The following IPO11 variants were observed in gnomAD, a reference collection of about 807,000 sequenced individuals.
IPO11 encodes importin 11, also known as importin-11.
IPO11 carries 66 observed loss-of-function variants against 143.2 expected under a neutral mutation model. The observed-to-expected ratio is 0.46, with a 90% CI of 0.38 to 0.57. The LOEUF (loss-of-function observed/expected upper bound fraction) is 0.57, where lower values mean the gene tolerates loss of function less well. IPO11 is among the 20% of genes least tolerant of loss of function. IPO11 has a pLI of 0.00. For missense variants in IPO11, 1,026 were observed against 1,141.0 expected, an observed-to-expected ratio of 0.90 and a Z score of 1.45; for synonymous variants, 385 against 377.8, an observed-to-expected ratio of 1.02 and a Z score of -0.22.
At chr5:62,543,536 C>G (rs1743038140) in intron 24 of IPO11, among the ~76,000 whole-genome samples, 1 of 152,164 alleles carries the variant, frequency 6.6e-6, no homozygotes. Context: ...GTGATATCCC[C>G]TTTAACATTT....
At chr5:62,586,796 T>TATATTC (rs1000478989) in intron 27 of IPO11, among the ~76,000 whole-genome samples, 1 of 140,912 alleles carries the variant, frequency 7.1e-6, no homozygotes. Flanking sequence ...TATATATATA[T>TATATTC]ATATATTCAT....
At chr5:62,487,496 G>A (rs949040845) in intron 12 of IPO11, among the ~76,000 whole-genome samples, 1 of 152,060 alleles carries the variant, frequency 6.6e-6, no homozygotes, top group African/African-American at 2.4e-5. Flanking sequence ...AATTTAAAAT[G>A]TACACTTTGC....
At chr5:62,456,980 T>TG (rs1745183437) in intron 5 of IPO11, among the ~76,000 whole-genome samples, 1 of 151,952 alleles carries the variant, frequency 6.6e-6, no homozygotes, top group Non-Finnish European at 1.5e-5. Flanking sequence ...CTCGGGAGCC[T>TG]GAGGCAGGAC....
In IPO11 at chr5:62,470,816, C is replaced by CTTT. The variant is rs70981015; in HGVS notation, c.708+535_708+537dup. ...TTCATTGTCTGTAGATAGCCATCTTCTTTTTTTTTTTTTTTTTTTTTTTTT... is the reference window on the plus strand; with the variant it reads ...TTCATTGTCTGTAGATAGCCATCTTCTTTTTTTTTTTTTTTTTTTTTTTTTTTT... On this transcript the variant is annotated intron_variant, in intron 7 of 29. Coordinates refer to ENST00000325324, the MANE Select transcript of IPO11 (RefSeq NM_016338.5). Among the ~76,000 whole-genome samples the CTTT allele has an allele frequency of 4.0e-3, 248 of 62,562 alleles. 48 individuals carry two copies. Among genetic ancestry groups the CTTT allele is most frequent in the East Asian group, 0.013 (19 of 1,418 alleles). 41.0% of individuals were successfully genotyped at this position (62,562 alleles called of 152,430 possible).
intron 20 of IPO11, among the ~76,000 whole-genome samples, chr5:62,524,096 T>C (rs988963915): frequency 7.2e-5 from 11 of 152,292 alleles, no homozygotes; most frequent in African/African-American, 2.6e-4. Flanking sequence ...GAATTCATTT[T>C]TGAACTTTCA....
At chr5:62,415,656 CG>C (rs1561300543) in intron 1 of IPO11, among the ~76,000 whole-genome samples, 1 of 151,472 alleles carries the variant, frequency 6.6e-6, no homozygotes, top group East Asian at 1.9e-4. Context: ...TTAGTAGAGA[CG>C]GGGTTTCTCC....
intron 27 of IPO11, 36 bp downstream of exon 27, chr5:62,561,293 A>ATCCCAGCACTTTGGGAGGCCGAGGCAG: frequency 1.7e-6 from 1 of 577,470 alleles, no homozygotes; most frequent in Middle Eastern, 4.6e-4. Flanking sequence ...GTTTCTTTCA[A>ATCCCAGCACTTTGGGAGGCCGAGGCAG]GCATCAAAAT....
At chr5:62,552,356 T>C (rs1018459341) in intron 26 of IPO11, among the ~76,000 whole-genome samples, 1 of 152,068 alleles carries the variant, frequency 6.6e-6, no homozygotes, top group Admixed American at 6.5e-5. Context: ...TATATGTAGC[T>C]TTTCTAGAAT....
chr5:62,598,828 A>G (rs745366320), intron 28 of IPO11, among the ~76,000 whole-genome samples: 4 of 151,736 alleles, frequency 2.6e-5, no homozygotes, highest in Non-Finnish European at 4.4e-5. Context: ...TACAGGTGTG[A>G]CCCACCGCAC....
At chr5:62,578,251 A>AT (rs562472927) in intron 27 of IPO11, among the ~76,000 whole-genome samples, 157 of 152,186 alleles carry the variant, frequency 1.0e-3, no homozygotes, top group African/African-American at 3.6e-3. Context: ...AGTACTCAGT[A>AT]TTTTTTGCAA....
At chr5:62,567,100 G>A (rs879895365) in intron 27 of IPO11, among the ~76,000 whole-genome samples, 1 of 152,156 alleles carries the variant, frequency 6.6e-6, no homozygotes, top group Admixed American at 6.5e-5. Flanking sequence ...GTTTTTGTAA[G>A]ACAGGCCTGT....
In IPO11 at chr5:62,432,699, A is replaced by G. The variant is rs909100319; in HGVS notation, c.-6-4575A>G. The stretch of plus-strand genomic sequence containing the variant: ...GTATCCCTGAGGAGAGGGTCTGTGG[A>G]GCTACTTATGTCATCATTCCAGAAA... On this transcript the variant is annotated intron_variant, in intron 1 of 29. Transcript: ENST00000325324. 2.6e-5 allele frequency among the ~76,000 whole-genome samples: 4 copies of G among 152,296 alleles called. No individual in the cohort carries two copies. The East Asian group carries it at 7.7e-4, about 29-fold the overall frequency.
At chr5:62,559,388 A>T (rs1283798079) in intron 26 of IPO11, among the ~76,000 whole-genome samples, 2 of 150,946 alleles carry the variant, frequency 1.3e-5, no homozygotes, top group East Asian at 4.0e-4. Context: ...CTGAAACTTC[A>T]TTTTTTTTAA....
intron 3 of IPO11, among the ~76,000 whole-genome samples, chr5:62,444,977 G>A (rs1353877988): frequency 6.6e-6 from 1 of 151,516 alleles, no homozygotes; most frequent in Non-Finnish European, 1.5e-5. Context: ...AATATTTCAT[G>A]TTGTACTTTT....
Position 62,538,595 on chromosome 5 carries a change from A to AT in IPO11, c.2250+1308dup, listed in dbSNP as rs537596715. 4.0e-3 allele frequency among the ~76,000 whole-genome samples: 612 copies of AT among 152,210 alleles called. 1 individual carries two copies. The highest frequency in any genetic ancestry group is 0.014 in the African/African-American group (586 of 41,544). On this transcript the variant is annotated intron_variant, in intron 24 of 29. Coordinates refer to ENST00000325324, the MANE Select transcript of IPO11 (RefSeq NM_016338.5). ...TGCCTCCCTTTCACCTTCTGCCTTG[A>AT]TTGTAAGTTTCCTGAGGCCTCCCCA...
chr5:62,493,466 T>C (rs1465897598), intron 15 of IPO11, among the ~76,000 whole-genome samples: 4 of 152,174 alleles, frequency 2.6e-5, no homozygotes, highest in African/African-American at 7.2e-5. Context: ...TTACAACATA[T>C]ATGCCTAGGA....
At chr5:62,613,908 C>T (rs915021054) in intron 29 of IPO11, among the ~76,000 whole-genome samples, 5 of 152,146 alleles carry the variant, frequency 3.3e-5, no homozygotes, top group African/African-American at 7.2e-5. Context: ...TTCCAGCCCC[C>T]GAAGGGCCTG....
At chr5:62,552,491 A>G (rs1296274472) in intron 26 of IPO11, among the ~76,000 whole-genome samples, 7 of 148,566 alleles carry the variant, frequency 4.7e-5, no homozygotes, top group Admixed American at 4.7e-4. Flanking sequence ...TTTTTTTTTA[A>G]AGTAGAGATG....
rs1580397798 is a variant in IPO11, at chr5:62,620,187, T to A, written c.2764-6967T>A. Among the ~76,000 whole-genome samples the A allele has an allele frequency of 2.6e-5, 4 of 152,260 alleles. No homozygotes were observed. The South Asian group carries it at 6.2e-4, about 24-fold the overall frequency. On this transcript the variant is annotated intron_variant, in intron 29 of 29. Coordinates refer to ENST00000325324, the MANE Select transcript of IPO11 (RefSeq NM_016338.5). ...GTGGTTGGGATACATCTTGGTTTTA[T>A]ACATTTTAGGGAGACGTGAGACTTC...
Sources: gnomAD v4.1 joint callset for allele counts (sites outside exome capture counted in the v4.1 genomes callset) on GRCh38, gnomAD v4.1.1 for gene constraint, MANE v1.5 for transcripts, NCBI Gene and HGNC (gene_info 2026-07-23, HGNC 2026-07-21) for gene names.